Variants in JAKMIP3 observed in about 807,000 individuals in gnomAD.
The protein encoded by JAKMIP3 is Janus kinase and microtubule interacting protein 3.
Under a neutral mutation model 118.5 loss-of-function variants are expected in JAKMIP3, and 58 were observed. The ratio of observed to expected loss-of-function variants is 0.49; its 90% CI spans 0.40 to 0.61. The LOEUF is 0.61. Ranked by LOEUF, JAKMIP3 falls within the 20% of genes least tolerant of loss-of-function variation. JAKMIP3 has a pLI of 0.00. For synonymous variants in JAKMIP3, 486 were observed against 451.2 expected (o/e 1.08, Z -0.98); for missense variants, 950 against 1,109.0 (o/e 0.86, Z 2.04).
intron 16 of JAKMIP3, among the ~76,000 whole-genome samples, chr10:132,152,206 C>A (rs1327298148): frequency 6.6e-6 from 1 of 152,150 alleles, no homozygotes; most frequent in Non-Finnish European, 1.5e-5. Context: ...TGTGGGAGAC[C>A]CTGTGCAGAC....
At chr10:132,069,718 A>G (rs2039518611) in intron 1 of JAKMIP3, among the ~76,000 whole-genome samples, 1 of 152,210 alleles carries the variant, frequency 6.6e-6, no homozygotes. Context: ...CAGAGTGGGA[A>G]GAAGAGGAAA....
Position 132,145,218 on chromosome 10 carries a change from T to TG in JAKMIP3, c.1686+33dup, listed in dbSNP as rs562956662. ...GAGCCTGCAGCCATCTGCACGGGCG[T>TG]GGGGGCACACGTGGGTGGGAGGTAT... is the stretch of plus-strand genomic sequence containing the variant. On this transcript the variant is annotated intron_variant, in intron 12 of 23. Coordinates refer to ENST00000684848, the MANE Select transcript of JAKMIP3 (RefSeq NM_001323087.2). 2.3e-4 allele frequency: 367 copies of TG among 1,563,730 alleles called. 1 individual carries two copies. The East Asian group carries it at 7.7e-3, about 33-fold the overall frequency.
chr10:132,167,941 C>A lies in JAKMIP3; in HGVS notation c.*23-12C>A. 7.8e-7 allele frequency: 1 copy of A among 1,288,908 alleles called. No homozygotes were observed. Among genetic ancestry groups the A allele is most frequent in the South Asian group, 1.2e-5 (1 of 81,016 alleles). 79.8% of individuals were successfully genotyped at this position (1,288,908 alleles called of 1,614,324 possible). ...CTCGCTGACTCTGCACTCTACGTTT[C>A]ATTTCTTCCAGCCCCACATTGAATC... On this transcript the variant is annotated splice_polypyrimidine_tract_variant and intron_variant, in intron 22 of 23. Coordinates refer to ENST00000684848, the MANE Select transcript of JAKMIP3 (RefSeq NM_001323087.2).
At chr10:132,084,968 C>T (rs749716928) in intron 1 of JAKMIP3, among the ~76,000 whole-genome samples, 5 of 152,250 alleles carry the variant, frequency 3.3e-5, no homozygotes, top group African/African-American at 7.2e-5. Context: ...TTGTTGGATT[C>T]GGTTAGCTAG....
upstream of JAKMIP3, among the ~76,000 whole-genome samples, chr10:132,060,791 G>A (rs190407481): frequency 8.1e-4 from 123 of 152,252 alleles, no homozygotes; most frequent in Non-Finnish European, 1.3e-3. Context: ...AGGCTGAGGC[G>A]GATGGATCAC....
In JAKMIP3 at chr10:132,117,219, C is replaced by T. The variant is rs367618615; in HGVS notation, c.278C>T (p.Thr93Met). The T allele has an allele frequency of 7.7e-5, 124 of 1,613,840 alleles. No homozygotes were observed. The highest frequency in any genetic ancestry group is 9.0e-5 in the Non-Finnish European group (106 of 1,179,896). ...KMKELQAVRE[T>M]LLRQHEAELL... ...AAGGAGCTACAGGCTGTGCGTGAGA[C>T]GCTGCTGCGGCAGCATGAGGCTGAG... The change falls in exon 3 of 24, where the codon ACG becomes ATG. Residue 93 changes from threonine (T) to methionine (M), a missense_variant. By Grantham distance (81) the Thr-to-Met change is moderately conservative (BLOSUM62 -1). Coordinates refer to ENST00000684848, the MANE Select transcript of JAKMIP3 (RefSeq NM_001323087.2). The surrounding 1 kb of genome is among the most constrained non-coding windows in gnomAD (Gnocchi z 8.6).
At chr10:132,142,751 G>A (rs191718599) in intron 11 of JAKMIP3, among the ~76,000 whole-genome samples, 7 of 152,176 alleles carry the variant, frequency 4.6e-5, no homozygotes, top group Non-Finnish European at 8.8e-5. Flanking sequence ...CCTGCACCTG[G>A]TACCCCTCAC....
At chr10:132,159,774 G>GC (rs1452908333) in intron 19 of JAKMIP3, among the ~76,000 whole-genome samples, 4 of 15,338 alleles carry the variant, frequency 2.6e-4, no homozygotes, top group African/African-American at 6.0e-4. Flanking sequence ...GATACTGGGG[G>GC]GTCTCTTCCT....
At chr10:132,069,619 T>C (rs932002081) in intron 1 of JAKMIP3, among the ~76,000 whole-genome samples, 3 of 151,432 alleles carry the variant, frequency 2.0e-5, no homozygotes, top group African/African-American at 7.3e-5. Context: ...TCCTGTTGTG[T>C]CCAGCGGCCA....
rs777276595 is a variant in JAKMIP3 at position 132,163,349 on chromosome 10, G to C, written c.2361G>C (p.Glu787Asp). 2 of 1,609,566 alleles carry C rather than the reference G, an allele frequency of 1.2e-6. No homozygotes were observed. Among genetic ancestry groups the C allele is most frequent in the Non-Finnish European group, 1.7e-6 (2 of 1,179,494 alleles). ...AGTGGAAGCGCCAGGTCATGAGTGA[G>C]CTGCGCGAGCGGGACGCCCAGATCC... ...VEQWKRQVMS[E>D]LRERDAQILR... Residue 787 changes from glutamate to aspartate, a missense_variant, in exon 20 of 24, where the codon GAG (glutamate) becomes GAC (aspartate). Physicochemically the swap from Glu to Asp is conservative, Grantham distance 45. Transcript: ENST00000684848.
At chr10:132,054,055 A>G (rs1385700607) in intron 1 of JAKMIP3, among the ~76,000 whole-genome samples, 2 of 143,872 alleles carry the variant, frequency 1.4e-5, no homozygotes, top group Non-Finnish European at 3.1e-5. Flanking sequence ...AAAAAAAAAA[A>G]AAAAATGCTG....
chr10:132,154,088 G>A (rs1196863884), intron 19 of JAKMIP3, 98 bp downstream of exon 19: 2 of 1,117,858 alleles, frequency 1.8e-6, no homozygotes, highest in African/African-American at 1.5e-5. Context: ...GCCCATGTGG[G>A]CCAGGTCGCA....
intron 3 of JAKMIP3, among the ~76,000 whole-genome samples, chr10:132,133,063 G>C (rs11146204): frequency 0.043 from 6,530 of 152,284 alleles, 274 homozygotes; most frequent in East Asian, 0.1. Flanking sequence ...TGAGCACACA[G>C]AGCCCGGGGA....
At chr10:132,094,355 T>C (rs2043550973) in intron 1 of JAKMIP3, among the ~76,000 whole-genome samples, 1 of 151,932 alleles carries the variant, frequency 6.6e-6, no homozygotes, top group African/African-American at 2.4e-5. Flanking sequence ...ATTACCAGAG[T>C]TGGTTTTCTG....
rs1242295383 is a variant in JAKMIP3, at chr10:132,184,503, GTTTACTGTATATTTTTTAAAAAGC to G, written c.*3255_*3278del. ...AATATAGGTATCAAATCATATATTT[GTTTACTGTATATTTTTTAAAAAGC>G]TTTATTGTAAATTTATGCAAAAACT... On this transcript the variant is annotated 3_prime_UTR_variant, in exon 24 of 24. Coordinates refer to ENST00000684848, the MANE Select transcript of JAKMIP3 (RefSeq NM_001323087.2). 1.3e-5 allele frequency: 2 copies of G among 152,166 alleles called. No homozygotes were observed. The highest frequency in any genetic ancestry group is 6.5e-5 in the Admixed American group (1 of 15,282). 9.4% of individuals were successfully genotyped at this position (152,166 alleles called of 1,614,324 possible). A position where few individuals can be genotyped will look rare whatever the true frequency, so the allele number is the denominator to read the frequency against.
At chr10:132,052,335 G>A (rs1348905754) in intron 1 of JAKMIP3, among the ~76,000 whole-genome samples, 7 of 152,132 alleles carry the variant, frequency 4.6e-5, no homozygotes, top group Non-Finnish European at 8.8e-5. Flanking sequence ...CTTTTCCCTT[G>A]GCACATTTTG....
At chr10:132,121,035 C>T (rs2048462303) in intron 3 of JAKMIP3, among the ~76,000 whole-genome samples, 1 of 152,112 alleles carries the variant, frequency 6.6e-6, no homozygotes, top group South Asian at 2.1e-4. Flanking sequence ...CAGAGAGGGA[C>T]TCGGAACAGG....
rs1414256878 is a variant in JAKMIP3 at position 132,118,062 on chromosome 10, A to G, written c.633+488A>G. On this transcript the variant is annotated intron_variant, in intron 3 of 23. Coordinates refer to ENST00000684848, the MANE Select transcript of JAKMIP3 (RefSeq NM_001323087.2). This position sits in a 1 kb window ranked among gnomAD's most constrained non-coding sequence, Gnocchi z 4.8. The stretch of plus-strand genomic sequence containing the variant: ...CCAGTGATTCTCCAGTTGAACTCAC[A>G]GGATCCAGAGAGGCGAGATCAGGAG... 2.0e-5 allele frequency among the ~76,000 whole-genome samples: 3 copies of G among 152,182 alleles called. No homozygotes were observed. Among genetic ancestry groups the G allele is most frequent in the Non-Finnish European group, 4.4e-5 (3 of 68,034 alleles).
At chr10:132,163,465 C>A in intron 20 of JAKMIP3, 53 bp downstream of exon 20, 1 of 1,505,090 alleles carries the variant, frequency 6.6e-7, no homozygotes, top group Non-Finnish European at 8.9e-7. Context: ...AGGACCTGCA[C>A]AGAGCCAGGG....
Sources: gnomAD v4.1 joint callset for allele counts (sites outside exome capture counted in the v4.1 genomes callset) on GRCh38, gnomAD v4.1.1 for gene constraint, Gnocchi (gnomAD v3.1) non-coding constraint, MANE v1.5 for transcripts, NCBI Gene and HGNC (gene_info 2026-07-23, HGNC 2026-07-21) for gene names.